CHRM5: variants seen among roughly 807,000 people sequenced by gnomAD.
CHRM5 encodes muscarinic acetylcholine receptor M5.
CHRM5 carries 18 observed loss-of-function variants against 39.0 expected under a neutral mutation model. The observed-to-expected ratio is 0.46, with a 90% confidence interval of 0.32 to 0.68. CHRM5 has a LOEUF of 0.68. Ranked by LOEUF, CHRM5 falls within the 30% of genes least tolerant of loss-of-function variation. The pLI is 0.04. For missense variants in CHRM5, 515 were observed against 651.1 expected, an observed-to-expected ratio of 0.79 and a Z score of 2.28; for synonymous variants, 241 against 246.3, an observed-to-expected ratio of 0.98 and a Z score of 0.20.
At chr15:33,974,402 A>G (rs183112746) in intron 1 of CHRM5, among the ~76,000 whole-genome samples, 4 of 152,342 alleles carry the variant, frequency 2.6e-5, no homozygotes, top group East Asian at 3.9e-4. Context: ...TATCTCCCCA[A>G]GTCATCTCTT....
At chr15:34,020,850 T>C (rs1898170788) in intron 1 of CHRM5, among the ~76,000 whole-genome samples, 1 of 152,242 alleles carries the variant, frequency 6.6e-6, no homozygotes, top group African/African-American at 2.4e-5. Flanking sequence ...CAGTAAAAGC[T>C]GTTTGATTTG....
chr15:34,044,707 G>C (rs1053211329), intron 1 of CHRM5, among the ~76,000 whole-genome samples: 2 of 147,838 alleles, frequency 1.4e-5, no homozygotes, highest in African/African-American at 2.7e-5. Flanking sequence ...AATGGGTCCA[G>C]TTTATGCCTT....
intron 1 of CHRM5, among the ~76,000 whole-genome samples, chr15:33,999,761 T>C (rs904218523): frequency 1.3e-5 from 2 of 152,162 alleles, no homozygotes; most frequent in African/African-American, 4.8e-5. Context: ...CTGCTACTAG[T>C]AGTAGCAGTG....
chr15:34,041,156 A>T (rs1899460358), intron 1 of CHRM5, among the ~76,000 whole-genome samples: 2 of 152,098 alleles, frequency 1.3e-5, no homozygotes, highest in African/African-American at 4.8e-5. Context: ...AATATTTAAT[A>T]GCATCCCTGG....
At chr15:34,005,597 T>C (rs545684965) in intron 1 of CHRM5, among the ~76,000 whole-genome samples, 80 of 152,202 alleles carry the variant, frequency 5.3e-4, no homozygotes, top group Non-Finnish European at 1.0e-3. Context: ...ATAACTAAGA[T>C]GGACCACAGG....
At chr15:34,053,299 C>CAAAAAAA (rs71454513) in intron 2 of CHRM5, among the ~76,000 whole-genome samples, 7 of 51,544 alleles carry the variant, frequency 1.4e-4, no homozygotes, top group African/African-American at 2.7e-4. Flanking sequence ...GACTCCATCT[C>CAAAAAAA]AAAAAAAAAA....
chr15:34,062,787 C>A lies in CHRM5; in HGVS notation c.70C>A (p.Arg24Ser), dbSNP rs571543498. The A allele has an allele frequency of 6.2e-7, 1 of 1,614,044 alleles. No individual in the cohort carries two copies. The highest frequency in any genetic ancestry group is 8.5e-7 in the Non-Finnish European group (1 of 1,180,020). ...GTPVNHQPLERHRLWEVITIA... is the reference protein window; with the variant it reads ...GTPVNHQPLESHRLWEVITIA... ...CCCAGTAAATCACCAGCCTTTGGAA[C>A]GCCACAGGTTGTGGGAAGTCATCAC... is the stretch of plus-strand genomic sequence containing the variant. The change falls in exon 3 of 3, where the codon CGC (arginine) becomes AGC (serine). Residue 24 changes from arginine (R) to serine (S), a missense_variant. By Grantham distance (110) the Arg-to-Ser change is moderately radical. Coordinates refer to ENST00000383263, the MANE Select transcript of CHRM5 (RefSeq NM_012125.4).
At chr15:34,016,181 C>A (rs1364195316) in intron 1 of CHRM5, among the ~76,000 whole-genome samples, 1 of 152,160 alleles carries the variant, frequency 6.6e-6, no homozygotes, top group African/African-American at 2.4e-5. Flanking sequence ...TTACAGTGAG[C>A]CAAGATCGTG....
intron 1 of CHRM5, among the ~76,000 whole-genome samples, chr15:34,037,826 T>C (rs1384409712): frequency 2.0e-5 from 3 of 152,186 alleles, no homozygotes; most frequent in African/African-American, 7.2e-5. Flanking sequence ...TTATCTGCTA[T>C]GCCCTCAAGA....
chr15:34,028,259 G>C (rs1898593894), intron 1 of CHRM5, among the ~76,000 whole-genome samples: 1 of 152,146 alleles, frequency 6.6e-6, no homozygotes, highest in Admixed American at 6.5e-5. Context: ...GTTTGCATCT[G>C]ACCTACACAC....
chr15:33,990,002 A>C (rs1896648938), intron 1 of CHRM5, among the ~76,000 whole-genome samples: 1 of 151,672 alleles, frequency 6.6e-6, no homozygotes, highest in African/African-American at 2.4e-5. Flanking sequence ...TCAGGAGTTG[A>C]GACCAGCCTG....
Position 34,041,659 on chromosome 15 carries a change from G to T in CHRM5, c.-407-4881G>T, listed in dbSNP as rs539771350. On this transcript the variant is annotated intron_variant, in intron 1 of 2. Coordinates refer to ENST00000383263, the MANE Select transcript of CHRM5 (RefSeq NM_012125.4). Reference sequence around the variant, plus strand: ...TTTAGAGAGAGATTGGTTTGTGGATGATGCCAAGTTTTTTTAACACTTATT... The same window carrying T: ...TTTAGAGAGAGATTGGTTTGTGGATTATGCCAAGTTTTTTTAACACTTATT... 1.1e-4 allele frequency among the ~76,000 whole-genome samples: 17 copies of T among 152,316 alleles called. 1 individual carries two copies. The South Asian group carries it at 3.3e-3, about 30-fold the overall frequency.
chr15:34,004,221 T>C (rs996964545), intron 1 of CHRM5, among the ~76,000 whole-genome samples: 2 of 152,238 alleles, frequency 1.3e-5, no homozygotes. Flanking sequence ...GACTATGTTG[T>C]ATAGATTTTT....
rs148495102 is a variant in CHRM5, at chr15:34,063,595, A to T, written c.878A>T (p.Asn293Ile). ...KPSQATGPSA[N>I]WAKAEQLTTC... Reference sequence around the variant, plus strand: ...TCCCAAGCCACTGGCCCAAGCGCCAATTGGGCCAAAGCTGAGCAGCTCACC... The same window carrying T: ...TCCCAAGCCACTGGCCCAAGCGCCATTTGGGCCAAAGCTGAGCAGCTCACC... Residue 293 changes from asparagine to isoleucine, a missense_variant, in exon 3 of 3, where the codon AAT (asparagine) becomes ATT (isoleucine). By Grantham distance (149) the Asn-to-Ile change is moderately radical. Coordinates refer to ENST00000383263, the MANE Select transcript of CHRM5 (RefSeq NM_012125.4). The surrounding 1 kb of genome is among the most constrained non-coding windows in gnomAD (Gnocchi z 4.1). The T allele has an allele frequency of 2.5e-6, 4 of 1,613,868 alleles. No individual in the cohort carries two copies. Among genetic ancestry groups the T allele is most frequent in the Non-Finnish European group, 3.4e-6 (4 of 1,180,022 alleles).
chr15:34,056,881 A>G (rs1439600764), intron 2 of CHRM5, among the ~76,000 whole-genome samples: 1 of 152,142 alleles, frequency 6.6e-6, no homozygotes, highest in Non-Finnish European at 1.5e-5. Flanking sequence ...AAATGAAACC[A>G]GAAAAAAATT....
intron 2 of CHRM5, among the ~76,000 whole-genome samples, chr15:34,054,183 T>C (rs577616236): frequency 1.1e-4 from 16 of 152,252 alleles, no homozygotes; most frequent in African/African-American, 3.6e-4. Flanking sequence ...AAACAACAGA[T>C]GCTGGCAAGG....
intron 1 of CHRM5, among the ~76,000 whole-genome samples, chr15:34,016,042 C>T (rs1897891935): frequency 6.6e-6 from 1 of 152,098 alleles, no homozygotes; most frequent in Non-Finnish European, 1.5e-5. Flanking sequence ...TTTGGGAGGC[C>T]AAGGTGGGCG....
intron 1 of CHRM5, among the ~76,000 whole-genome samples, chr15:34,021,524 A>G (rs911210307): frequency 6.6e-6 from 1 of 152,006 alleles, no homozygotes; most frequent in African/African-American, 2.4e-5. Flanking sequence ...ACCTCAGGTG[A>G]GCCACCGCGC....
At chr15:34,002,035 A>G (rs1897156301) in intron 1 of CHRM5, among the ~76,000 whole-genome samples, 1 of 152,240 alleles carries the variant, frequency 6.6e-6, no homozygotes, top group Non-Finnish European at 1.5e-5. Context: ...TTATAAAGAA[A>G]TAATACAGAA....
Sources: allele counts gnomAD v4.1 joint callset (sites outside exome capture counted in the v4.1 genomes callset), GRCh38; gene constraint gnomAD v4.1.1; non-coding constraint Gnocchi (gnomAD v3.1); transcripts MANE v1.5; gene names NCBI Gene and HGNC (gene_info 2026-07-23, HGNC 2026-07-21).